The following PTBP2 variants were observed in gnomAD, a reference collection of about 807,000 sequenced individuals.
PTBP2 encodes the protein polypyrimidine tract binding protein 2, also known as polypyrimidine tract-binding protein 2.
In PTBP2, 13 loss-of-function variants were observed where a neutral mutation model predicts 61.4. The ratio of observed to expected loss-of-function variants is 0.21; its 90% CI spans 0.14 to 0.34. The LOEUF (loss-of-function observed/expected upper bound fraction) is 0.34, where lower values mean the gene tolerates loss of function less well. Ranked by LOEUF, PTBP2 falls within the 10% of genes least tolerant of loss-of-function variation. The pLI is 1.00. For missense variants in PTBP2, 405 were observed against 642.6 expected, an observed-to-expected ratio of 0.63 and a Z score of 4.00; for synonymous variants, 215 against 218.5, an observed-to-expected ratio of 0.98 and a Z score of 0.14.
intron 9 of PTBP2, among the ~76,000 whole-genome samples, chr1:96,805,778 T>A (rs1661443510): frequency 6.6e-6 from 1 of 152,214 alleles, no homozygotes; most frequent in Non-Finnish European, 1.5e-5. Context: ...TGAATCAGAG[T>A]GCCTTTGTTT....
chr1:96,821,365 ATT>A (rs1662677936), exon 14 of PTBP2: 6 of 151,872 alleles, frequency 4.0e-5, no homozygotes, highest in Non-Finnish European at 8.8e-5. Context: ...TTTTATATCT[ATT>A]TATAAAGTTA....
chr1:96,760,483 G>A (rs1655695150), intron 3 of PTBP2, among the ~76,000 whole-genome samples: 1 of 111,700 alleles, frequency 9.0e-6, no homozygotes, highest in South Asian at 2.9e-4. Flanking sequence ...GTCTTGCTCT[G>A]TCACCAGGCT....
At position 96,734,615 on chromosome 1, in the gene PTBP2, A is replaced by G. The variant is rs553225547; in HGVS notation, c.39+11021A>G. ...AGTTGCATTTCATTTGTTGAAGAAA[A>G]CTGGTTATTGGTCTTACACAGTTGC... On this transcript the variant is annotated intron_variant, in intron 2 of 13. Coordinates refer to ENST00000674951, the MANE Select transcript of PTBP2 (RefSeq NM_021190.4). 1.3e-4 allele frequency among the ~76,000 whole-genome samples: 20 copies of G among 151,994 alleles called. No individual in the cohort carries two copies. In the South Asian group the frequency reaches 3.9e-3, roughly 30 times the overall value.
chr1:96,756,381 C>T (rs1655161578), intron 3 of PTBP2, among the ~76,000 whole-genome samples: 1 of 152,176 alleles, frequency 6.6e-6, no homozygotes, highest in Non-Finnish European at 1.5e-5. Flanking sequence ...ACCTGGGCAA[C>T]AAGAGCGAGA....
intron 8 of PTBP2, among the ~76,000 whole-genome samples, chr1:96,789,849 C>T (rs1659598747): frequency 6.6e-6 from 1 of 151,964 alleles, no homozygotes; most frequent in Non-Finnish European, 1.5e-5. Flanking sequence ...CAAATATTAC[C>T]ATAGTATCTC....
At chr1:96,765,707 CTTAG>C (rs940564814) in intron 3 of PTBP2, among the ~76,000 whole-genome samples, 2 of 90,372 alleles carry the variant, frequency 2.2e-5, no homozygotes, top group Non-Finnish European at 4.5e-5. Flanking sequence ...AAGACTCTGT[CTTAG>C]ATAGATAGAT....
chr1:96,801,963 G>C (rs1157958292), intron 8 of PTBP2, among the ~76,000 whole-genome samples: 2 of 151,608 alleles, frequency 1.3e-5, no homozygotes, highest in Non-Finnish European at 2.9e-5. Flanking sequence ...TGTAATCCTA[G>C]CACTTTGGGA....
intron 8 of PTBP2, 112 bp from the exon 9 acceptor site, chr1:96,804,688 G>A: frequency 9.6e-7 from 1 of 1,037,588 alleles, no homozygotes; most frequent in South Asian, 2.3e-5. Flanking sequence ...GAACCATTTG[G>A]AATGGTCAGC....
At position 96,809,788 on chromosome 1, in the gene PTBP2, A is replaced by G. The variant is rs1351633847; in HGVS notation, c.1171+2830A>G. Among the ~76,000 whole-genome samples the G allele has an allele frequency of 2.6e-5, 4 of 152,148 alleles. No homozygotes were observed. In the East Asian group the frequency reaches 7.7e-4, roughly 29 times the overall value. On this transcript the variant is annotated intron_variant, in intron 11 of 13. Transcript: ENST00000674951. ...TTAAAATTAAGCGATAAAGTACTAT[A>G]TACAAATTAGATATATGTGGTACAG...
At chr1:96,773,562 G>T (rs1657634515) in intron 5 of PTBP2, among the ~76,000 whole-genome samples, 1 of 152,018 alleles carries the variant, frequency 6.6e-6, no homozygotes, top group East Asian at 1.9e-4. Context: ...ATTAGATTTT[G>T]TTAAAGTTGT....
chr1:96,771,089 A>G (rs1395955362), intron 5 of PTBP2: 2 of 325,428 alleles, frequency 6.1e-6, no homozygotes, highest in Non-Finnish European at 5.6e-6. Flanking sequence ...TTGTGTAGAA[A>G]CTTATCAGGT....
rs114989573 is a variant in PTBP2 at position 96,738,015 on chromosome 1, A to T, written c.40-13410A>T. ...TAGGTTTTGTAAGTGTTGAACTCCA[A>T]TAAACACAGTTCCACTTTCCTTAAC... is the stretch of plus-strand genomic sequence containing the variant. On this transcript the variant is annotated intron_variant, in intron 2 of 13. Coordinates refer to ENST00000674951, the MANE Select transcript of PTBP2 (RefSeq NM_021190.4). 1.6e-4 allele frequency among the ~76,000 whole-genome samples: 25 copies of T among 152,308 alleles called. 1 individual carries two copies. Among genetic ancestry groups the T allele is most frequent in the Middle Eastern group, 3.4e-3 (1 of 294 alleles).
At chr1:96,818,821 G>A (rs1662576141), downstream of PTBP2, 1 of 151,998 alleles carries the variant, frequency 6.6e-6, no homozygotes, top group Non-Finnish European at 1.5e-5. Context: ...TTAACCAGCT[G>A]TTTTAAAGAT....
At chr1:96,812,271 T>G (rs916157489) in intron 11 of PTBP2, among the ~76,000 whole-genome samples, 1 of 152,300 alleles carries the variant, frequency 6.6e-6, no homozygotes, top group Middle Eastern at 3.4e-3. Flanking sequence ...AAGACAAATA[T>G]GAGACTGAGT....
chr1:96,762,638 C>T (rs1656095152), intron 3 of PTBP2, among the ~76,000 whole-genome samples: 1 of 149,312 alleles, frequency 6.7e-6, no homozygotes, highest in Admixed American at 6.6e-5. Flanking sequence ...GCGCCCCTCA[C>T]CTCCCGGAAG....
intron 5 of PTBP2, among the ~76,000 whole-genome samples, chr1:96,772,855 G>A (rs1321375397): frequency 1.3e-5 from 2 of 151,894 alleles, no homozygotes; most frequent in Non-Finnish European, 1.5e-5. Context: ...GCTTATACTG[G>A]TAATCCCAGC....
intron 3 of PTBP2, among the ~76,000 whole-genome samples, chr1:96,765,708 T>TTAGATAGATAGA (rs34315705): frequency 0.062 from 9,091 of 147,306 alleles, 308 homozygotes; most frequent in East Asian, 0.1. Flanking sequence ...AGACTCTGTC[T>TTAGATAGATAGA]TAGATAGATA....
chr1:96,793,761 CTT>C (rs1557761777), intron 8 of PTBP2, among the ~76,000 whole-genome samples: 1 of 152,096 alleles, frequency 6.6e-6, no homozygotes, highest in African/African-American at 2.4e-5. Context: ...TTATTCAACT[CTT>C]AATTCCATTA....
intron 8 of PTBP2, among the ~76,000 whole-genome samples, chr1:96,804,177 G>T (rs1036916383): frequency 2.0e-5 from 3 of 152,112 alleles, no homozygotes; most frequent in Non-Finnish European, 4.4e-5. Flanking sequence ...TCTTTCAACC[G>T]GGAGAGTGTT....
Sources: allele counts gnomAD v4.1 joint callset (sites outside exome capture counted in the v4.1 genomes callset), GRCh38; gene constraint gnomAD v4.1.1; transcripts MANE v1.5; gene names NCBI Gene and HGNC (gene_info 2026-07-23, HGNC 2026-07-21).